The following GABARAPL2 variants were observed in gnomAD, a reference collection of about 807,000 sequenced individuals.
GABARAPL2 encodes GABA type A receptor associated protein like 2.
In GABARAPL2, 11 loss-of-function variants were observed where a neutral mutation model predicts 16.9. The ratio of observed to expected loss-of-function variants is 0.65; its 90% CI spans 0.41 to 1.08. The LOEUF is 1.08. Among genes scored for constraint, GABARAPL2 ranks in the 50% least tolerant of loss-of-function variants. GABARAPL2 has a pLI of 0.00. For synonymous variants in GABARAPL2, 57 were observed against 50.7 expected (o/e 1.12, Z -0.53); for missense variants, 134 against 142.5 (o/e 0.94, Z 0.30).
intron 3 of GABARAPL2, among the ~76,000 whole-genome samples, chr16:75,568,808 T>C (rs1035543912): frequency 6.6e-6 from 1 of 152,242 alleles, no homozygotes; most frequent in Non-Finnish European, 1.5e-5. Context: ...CTGTAACTTG[T>C]GGCCTGAATG....
At chr16:75,566,629 C>A in intron 1 of GABARAPL2, 109 bp downstream of exon 1, 1 of 1,281,944 alleles carries the variant, frequency 7.8e-7, no homozygotes, top group South Asian at 1.3e-5. Context: ...TGCCCTGCTG[C>A]GGGCTGGAGT....
At chr16:75,569,678 C>T (rs550512897) in intron 3 of GABARAPL2, among the ~76,000 whole-genome samples, 64 of 152,172 alleles carry the variant, frequency 4.2e-4, no homozygotes, top group South Asian at 8.3e-4. Context: ...TCTGGTTCTT[C>T]TCAAAGGAAA....
Position 75,566,527 on chromosome 16 carries a change from A to T in GABARAPL2, c.34+7A>T, listed in dbSNP as rs2080883510. On this transcript the variant is annotated splice_region_variant and intron_variant, in intron 1 of 3. Coordinates refer to ENST00000037243, the MANE Select transcript of GABARAPL2 (RefSeq NM_007285.7). ...AAGGAGGACCACTCGCTGGGTAAGC[A>T]CTTGGTCGTCGGCCCGGCTGCTGGG... 2 of 1,607,980 alleles carry T rather than the reference A, an allele frequency of 1.2e-6. No homozygotes were observed. The highest frequency in any genetic ancestry group is 1.7e-6 in the Non-Finnish European group (2 of 1,178,062).
At chr16:75,574,139 A>T (rs369181619) in intron 3 of GABARAPL2, among the ~76,000 whole-genome samples, 3 of 152,202 alleles carry the variant, frequency 2.0e-5, no homozygotes, top group South Asian at 4.1e-4. Context: ...CAGGGCTCAG[A>T]GTCTCACGAC....
intron 3 of GABARAPL2, among the ~76,000 whole-genome samples, chr16:75,571,299 T>C (rs2080912846): frequency 6.6e-6 from 1 of 152,196 alleles, no homozygotes; most frequent in South Asian, 2.1e-4. Flanking sequence ...CCAGATATTA[T>C]AACTGACATT....
chr16:75,574,956 C>T (rs958020450), intron 3 of GABARAPL2, among the ~76,000 whole-genome samples: 9 of 151,964 alleles, frequency 5.9e-5, no homozygotes, highest in African/African-American at 9.7e-5. Context: ...TTGTTTGAAC[C>T]GGAAGGTGGA....
At chr16:75,568,677 T>A (rs2080897905) in intron 3 of GABARAPL2, among the ~76,000 whole-genome samples, 1 of 152,178 alleles carries the variant, frequency 6.6e-6, no homozygotes, top group African/African-American at 2.4e-5. Context: ...GATCCTCAAG[T>A]CTGACAAAAT....
At chr16:75,573,636 A>T (rs2080929664) in intron 3 of GABARAPL2, among the ~76,000 whole-genome samples, 1 of 152,252 alleles carries the variant, frequency 6.6e-6, no homozygotes, top group Non-Finnish European at 1.5e-5. Context: ...TCAGCATGTG[A>T]TGCAGAGACT....
intron 1 of GABARAPL2, 133 bp from the exon 2 acceptor site, chr16:75,566,719 G>T: frequency 3.0e-6 from 3 of 1,000,876 alleles, no homozygotes; most frequent in East Asian, 2.6e-5. Flanking sequence ...GCTAGTAGGG[G>T]ACAGGACCGC....
rs753643620 is a variant in GABARAPL2 at position 75,572,727 on chromosome 16, C to G, written c.263+4518C>G. ...ATTTTCACATAGTACTTCAGGGTCC[C>G]ACTTCACCTTAGATTAGCTCCATGG... On this transcript the variant is annotated intron_variant, in intron 3 of 3. Transcript: ENST00000037243. The G allele has an allele frequency of 1.3e-5, 2 of 152,182 alleles. 1 individual carries two copies. Among genetic ancestry groups the G allele is most frequent in the Middle Eastern group, 6.3e-3 (2 of 316 alleles). 9.4% of individuals were successfully genotyped at this position (152,182 alleles called of 1,614,324 possible).
intron 3 of GABARAPL2, among the ~76,000 whole-genome samples, chr16:75,568,874 C>A (rs1300898992): frequency 6.6e-6 from 1 of 152,152 alleles, no homozygotes; most frequent in African/African-American, 2.4e-5. Context: ...CAGCTTTAGT[C>A]CCCTGTGGAA....
chr16:75,576,284 A>G (rs2080949148), intron 3 of GABARAPL2: 1 of 152,162 alleles, frequency 6.6e-6, no homozygotes, highest in Admixed American at 6.5e-5. Flanking sequence ...CCCCCTTCAT[A>G]AATGTGGTAT....
At chr16:75,573,009 G>A (rs1470489589) in intron 3 of GABARAPL2, among the ~76,000 whole-genome samples, 1 of 152,244 alleles carries the variant, frequency 6.6e-6, no homozygotes, top group African/African-American at 2.4e-5. Context: ...GCAAGCCTGT[G>A]CAGCTTAGCT....
chr16:75,568,022 T>C lies in GABARAPL2; in HGVS notation c.91-15T>C, dbSNP rs549374958. On this transcript the variant is annotated splice_polypyrimidine_tract_variant and intron_variant, in intron 2 of 3. Coordinates refer to ENST00000037243, the MANE Select transcript of GABARAPL2 (RefSeq NM_007285.7). ...CTTTAGGAAACACAGTCCTGACCTC[T>C]CTTTACTTTCCCAGGTGATTGTGGA... The C allele has an allele frequency of 3.0e-5, 48 of 1,592,292 alleles. No homozygotes were observed. The South Asian group carries it at 5.0e-4, about 17-fold the overall frequency.
At chr16:75,574,808 T>TCTGTAATCCAGCACTTTGG (rs1567446308) in intron 3 of GABARAPL2, among the ~76,000 whole-genome samples, 1 of 19,786 alleles carries the variant, frequency 5.1e-5, no homozygotes, top group Admixed American at 8.0e-4. Flanking sequence ...GTGGCTCACC[T>TCTGTAATCCAGCACTTTGG]GAGGTCAGGA....
chr16:75,566,656 C>T, intron 1 of GABARAPL2, 136 bp downstream of exon 1: 3 of 1,056,076 alleles, frequency 2.8e-6, no homozygotes, highest in Non-Finnish European at 4.2e-6. Flanking sequence ...TGCCCTGGTG[C>T]CTCGGGCAGC....
intron 2 of GABARAPL2, among the ~76,000 whole-genome samples, chr16:75,567,596 T>A (rs1417971632): frequency 1.3e-5 from 2 of 152,154 alleles, no homozygotes; most frequent in Non-Finnish European, 1.5e-5. Context: ...AATGAAGAAC[T>A]TGGTTCTTGG....
intron 3 of GABARAPL2, among the ~76,000 whole-genome samples, chr16:75,570,839 C>T (rs1290706816): frequency 6.6e-6 from 1 of 152,134 alleles, no homozygotes; most frequent in Non-Finnish European, 1.5e-5. Flanking sequence ...AATTCTCTGC[C>T]TAGGTGCCAG....
chr16:75,566,717 G>A, intron 1 of GABARAPL2, 135 bp from the exon 2 acceptor site: 2 of 986,100 alleles, frequency 2.0e-6, no homozygotes, highest in South Asian at 1.4e-5. Context: ...GAGCTAGTAG[G>A]GGACAGGACC....
Sources: gnomAD v4.1 joint callset for allele counts (sites outside exome capture counted in the v4.1 genomes callset) on GRCh38, gnomAD v4.1.1 for gene constraint, MANE v1.5 for transcripts, NCBI Gene and HGNC (gene_info 2026-07-23, HGNC 2026-07-21) for gene names.